Variants in HNF4G observed in about 807,000 individuals in gnomAD.
The protein encoded by HNF4G is hepatocyte nuclear factor 4 gamma, also known as hepatocyte nuclear factor 4-gamma.
A neutral mutation model predicts 50.9 loss-of-function variants in HNF4G; 21 were observed. That is an observed-to-expected ratio of 0.41 (90% confidence interval 0.29 to 0.59). HNF4G has a LOEUF of 0.59. Among genes scored for constraint, HNF4G ranks in the 20% least tolerant of loss-of-function variants. The pLI is 0.26. For synonymous variants in HNF4G, 198 were observed against 185.6 expected (o/e 1.07, Z -0.54); for missense variants, 527 against 559.4 (o/e 0.94, Z 0.58).
chr8:75,443,449 T>G lies in HNF4G; in HGVS notation c.-144+35287T>G, dbSNP rs1358395117. Among the ~76,000 whole-genome samples, 3 of 152,186 alleles carry G rather than the reference T, an allele frequency of 2.0e-5. No individual in the cohort carries two copies. The East Asian group carries it at 5.8e-4, about 29-fold the overall frequency. ...AAATACATATTAAAAGGATAACAAG[T>G]TATACGTTGGTAGTCAAAAATTATT... On this transcript the variant is annotated intron_variant, in intron 1 of 10. Coordinates refer to the HNF4G transcript ENST00000354370.
chr8:75,475,066 T>C (rs1812211210), intron 1 of HNF4G, among the ~76,000 whole-genome samples: 1 of 151,512 alleles, frequency 6.6e-6, no homozygotes, highest in Admixed American at 6.6e-5. Flanking sequence ...TGGAGTGCAG[T>C]GGTGTGATCT....
At chr8:75,550,080 A>G (rs967980950) in intron 3 of HNF4G, among the ~76,000 whole-genome samples, 1 of 152,184 alleles carries the variant, frequency 6.6e-6, no homozygotes, top group Non-Finnish European at 1.5e-5. Context: ...GATATTTAAT[A>G]GTAAGTTTTA....
intron 2 of HNF4G, among the ~76,000 whole-genome samples, chr8:75,528,893 C>CT (rs1251984140): frequency 6.6e-6 from 1 of 152,096 alleles, no homozygotes; most frequent in Non-Finnish European, 1.5e-5. Flanking sequence ...TTCCGCGTGG[C>CT]TGGGGAGGCC....
At position 75,471,237 on chromosome 8, in the gene HNF4G, T is replaced by A. The variant is rs75048756; in HGVS notation, c.-143-18852T>A. Among the ~76,000 whole-genome samples, 156 of 152,304 alleles carry A rather than the reference T, an allele frequency of 1.0e-3. 2 individuals carry two copies. In the East Asian group the frequency reaches 0.012, roughly 11 times the overall value. On this transcript the variant is annotated intron_variant, in intron 1 of 10. Coordinates refer to the HNF4G transcript ENST00000354370. ...CAAGAAAAATTGAAAATTTGAATTA[T>A]TCTACTGCCAGTAGGGACTGTATAT...
chr8:75,468,143 G>A (rs191957563), intron 1 of HNF4G, among the ~76,000 whole-genome samples: 28 of 152,100 alleles, frequency 1.8e-4, no homozygotes, highest in East Asian at 1.4e-3. Context: ...TATTCCAATC[G>A]CTTGCATTCT....
intron 2 of HNF4G, among the ~76,000 whole-genome samples, chr8:75,508,315 C>A (rs1805653668): frequency 1.3e-5 from 2 of 150,114 alleles, no homozygotes; most frequent in Admixed American, 1.3e-4. Context: ...CTTATAATAT[C>A]CAAATAAAAT....
At chr8:75,428,328 C>A (rs966128214) in intron 1 of HNF4G, among the ~76,000 whole-genome samples, 1 of 152,008 alleles carries the variant, frequency 6.6e-6, no homozygotes, top group Admixed American at 6.6e-5. Context: ...CTCACAAATG[C>A]ATTATATGCA....
At chr8:75,561,254 A>G (rs1306250188) in intron 9 of HNF4G, among the ~76,000 whole-genome samples, 1 of 152,172 alleles carries the variant, frequency 6.6e-6, no homozygotes, top group Admixed American at 6.5e-5. Flanking sequence ...ATTTATGTGG[A>G]CACGTTTTCC....
At chr8:75,417,892 T>C (rs532033232) in intron 1 of HNF4G, among the ~76,000 whole-genome samples, 1 of 152,086 alleles carries the variant, frequency 6.6e-6, no homozygotes. Flanking sequence ...GTGCTTATGG[T>C]ATTAATTTTT....
intron 2 of HNF4G, among the ~76,000 whole-genome samples, chr8:75,516,610 C>T (rs1247393293): frequency 1.3e-5 from 2 of 152,010 alleles, no homozygotes; most frequent in East Asian, 3.9e-4. Context: ...TCATCTACAT[C>T]CTTACTGAGT....
At chr8:75,486,323 T>G (rs563194929) in intron 1 of HNF4G, among the ~76,000 whole-genome samples, 3 of 152,244 alleles carry the variant, frequency 2.0e-5, no homozygotes, top group African/African-American at 7.2e-5. Flanking sequence ...GTCCCTCTTA[T>G]AGAGACCTCA....
At chr8:75,515,234 A>C (rs910413440) in intron 2 of HNF4G, among the ~76,000 whole-genome samples, 1 of 152,084 alleles carries the variant, frequency 6.6e-6, no homozygotes, top group African/African-American at 2.4e-5. Flanking sequence ...GTATTTTTTA[A>C]AATTACTTTG....
In HNF4G at chr8:75,564,676, C is replaced by CA. The variant is rs1430471473; in HGVS notation, c.*586dup. On this transcript the variant is annotated 3_prime_UTR_variant, in exon 10 of 10. Transcript: ENST00000396423. ...TTCCTATCTTAAGTTTAGAAAAATACAAAAAACCATTCCAAGGATGACTGG... is the reference window on the plus strand; with the variant it reads ...TTCCTATCTTAAGTTTAGAAAAATACAAAAAAACCATTCCAAGGATGACTGG... 2 of 152,042 alleles carry CA rather than the reference C, an allele frequency of 1.3e-5. No individual in the cohort carries two copies. The highest frequency in any genetic ancestry group is 4.8e-5 in the African/African-American group (2 of 41,422). 9.4% of individuals were successfully genotyped at this position (152,042 alleles called of 1,614,324 possible). A position where few individuals can be genotyped will look rare whatever the true frequency, so the allele number is the denominator to read the frequency against.
intron 1 of HNF4G, among the ~76,000 whole-genome samples, chr8:75,438,904 T>C (rs1811205707): frequency 6.6e-6 from 1 of 152,064 alleles, no homozygotes; most frequent in Non-Finnish European, 1.5e-5. Flanking sequence ...TTCTTTTTCC[T>C]TCACTTTGAT....
chr8:75,501,434 C>T (rs1418359187), intron 2 of HNF4G, among the ~76,000 whole-genome samples: 9 of 152,144 alleles, frequency 5.9e-5, no homozygotes, highest in Non-Finnish European at 5.9e-5. Flanking sequence ...TAGTGAGATC[C>T]TGTCTCAGAT....
At chr8:75,522,660 T>G (rs1806076639) in intron 2 of HNF4G, among the ~76,000 whole-genome samples, 1 of 152,138 alleles carries the variant, frequency 6.6e-6, no homozygotes, top group Non-Finnish European at 1.5e-5. Context: ...TCTTTCTCCC[T>G]CAGTTATCAC....
At chr8:75,478,782 G>A (rs1962962) in intron 1 of HNF4G, among the ~76,000 whole-genome samples, 64,050 of 151,904 alleles carry the variant, frequency 0.42, 15,967 homozygotes, top group African/African-American at 0.71. Context: ...GCAATCGCGC[G>A]ATCTGATCTT....
At chr8:75,516,178 C>G (rs1017109318) in intron 2 of HNF4G, among the ~76,000 whole-genome samples, 3 of 152,218 alleles carry the variant, frequency 2.0e-5, no homozygotes, top group African/African-American at 7.2e-5. Context: ...TTAGCCCAGT[C>G]AAGTTGAAAC....
At position 75,540,093 on chromosome 8, in the gene HNF4G, CTGTT is replaced by C; in HGVS notation, c.118+15_118+18del. On this transcript the variant is annotated intron_variant, in intron 1 of 9. Transcript: ENST00000396423. ...TATAATTCAAGTGGTGAGTTATCATCTGTTTATAGATGTAAAGAAAAGTAAGTAT... is the reference window on the plus strand; with the variant it reads ...TATAATTCAAGTGGTGAGTTATCATCTATAGATGTAAAGAAAAGTAAGTAT... 1.5e-6 allele frequency: 2 copies of C among 1,366,458 alleles called. No individual in the cohort carries two copies. Among genetic ancestry groups the C allele is most frequent in the Non-Finnish European group, 2.1e-6 (2 of 955,434 alleles). The allele number at this position is 1,366,458 out of a possible 1,614,324, so 84.6% of individuals were successfully genotyped here.
Sources: gnomAD v4.1 joint callset for allele counts (sites outside exome capture counted in the v4.1 genomes callset) on GRCh38, gnomAD v4.1.1 for gene constraint, MANE v1.5 for transcripts, NCBI Gene and HGNC (gene_info 2026-07-23, HGNC 2026-07-21) for gene names.